Variants in OPHN1 observed in about 807,000 individuals in gnomAD.
OPHN1 encodes the protein oligophrenin-1.
A neutral mutation model predicts 60.7 loss-of-function variants in OPHN1; 11 were observed. The observed-to-expected ratio is 0.18, with a 90% CI of 0.11 to 0.30. The LOEUF (loss-of-function observed/expected upper bound fraction) is 0.30, where lower values mean the gene tolerates loss of function less well. OPHN1 is among the 10% of genes least tolerant of loss of function. OPHN1 has a pLI of 1.00. For missense variants in OPHN1, 449 were observed against 611.0 expected (o/e 0.73, Z 2.80); for synonymous variants, 226 against 222.6 (o/e 1.02, Z -0.14).
At chrX:68,310,535 T>C (rs1312238775) in intron 2 of OPHN1, among the ~76,000 whole-genome samples, 3 of 110,818 alleles carry the variant, frequency 2.7e-5, no homozygotes, top group Non-Finnish European at 5.7e-5. Flanking sequence ...TTGAAAATTA[T>C]AAACCACACT....
chrX:68,371,299 C>A (rs1444323745), intron 2 of OPHN1, among the ~76,000 whole-genome samples: 7 of 108,884 alleles, frequency 6.4e-5, no homozygotes, highest in African/African-American at 1.7e-4. Context: ...CTCACTGAAG[C>A]CTCAACCTCC....
intron 15 of OPHN1, among the ~76,000 whole-genome samples, chrX:68,166,529 C>T (rs1194709440): frequency 9.0e-6 from 1 of 111,357 alleles, no homozygotes; most frequent in East Asian, 2.8e-4. Context: ...AGCAAAACTC[C>T]ATCTCAAAAA....
chrX:68,370,038 A>G (rs1317232528), intron 2 of OPHN1, among the ~76,000 whole-genome samples: 1 of 95,353 alleles, frequency 1.0e-5, no homozygotes, highest in African/African-American at 4.1e-5. Context: ...ATATATATAT[A>G]TATATAGAAC....
intron 2 of OPHN1, among the ~76,000 whole-genome samples, chrX:68,366,538 G>A (rs1276602360): frequency 9.0e-6 from 1 of 110,663 alleles, no homozygotes; most frequent in Non-Finnish European, 1.9e-5. Context: ...CCCGTGTGTA[G>A]AGTCAGGGTG....
intron 21 of OPHN1, among the ~76,000 whole-genome samples, chrX:68,055,255 T>A: frequency 8.9e-6 from 1 of 112,211 alleles, no homozygotes; most frequent in Middle Eastern, 4.6e-3. Context: ...TGTAGGACCC[T>A]AGACAGGTAC....
chrX:68,324,198 A>G (rs2078248057), intron 2 of OPHN1, among the ~76,000 whole-genome samples: 1 of 111,943 alleles, frequency 8.9e-6, no homozygotes, highest in Admixed American at 9.6e-5. Context: ...TATTACCAGT[A>G]AGAAAATACA....
chrX:68,344,720 A>T (rs1373962327), intron 2 of OPHN1, among the ~76,000 whole-genome samples: 3 of 111,912 alleles, frequency 2.7e-5, no homozygotes, highest in African/African-American at 9.7e-5. Flanking sequence ...AAAAAATAAA[A>T]ATTAAAAAAG....
intron 5 of OPHN1, among the ~76,000 whole-genome samples, chrX:68,260,760 C>G (rs2077889116): frequency 8.9e-6 from 1 of 111,745 alleles, no homozygotes; most frequent in African/African-American, 3.3e-5. Flanking sequence ...ATCTTCCCTG[C>G]TAATGCACTC....
rs373228614 is a variant in OPHN1, at chrX:68,384,904, G to A, written c.154+47963C>T. Reference sequence around the variant, plus strand: ...ATGATATAACAGGCTTGGGGTCTCCGGGGGAAGGTTGGGAGGAGGGTGACA... The same window carrying A: ...ATGATATAACAGGCTTGGGGTCTCCAGGGGAAGGTTGGGAGGAGGGTGACA... On this transcript the variant is annotated intron_variant, in intron 2 of 24. Transcript: ENST00000355520. 1.0e-4 allele frequency among the ~76,000 whole-genome samples: 11 copies of A among 110,407 alleles called. No homozygotes were observed. The South Asian group carries it at 4.0e-3, about 40-fold the overall frequency.
At chrX:68,202,198 C>T (rs184235475) in intron 10 of OPHN1, among the ~76,000 whole-genome samples, 1 of 111,439 alleles carries the variant, frequency 9.0e-6, no homozygotes, top group Non-Finnish European at 1.9e-5. Flanking sequence ...TTCTGTCTCC[C>T]AACTCTAGAC....
intron 15 of OPHN1, among the ~76,000 whole-genome samples, chrX:68,143,096 A>T (rs2077250043): frequency 9.0e-6 from 1 of 111,576 alleles, no homozygotes; most frequent in Admixed American, 9.5e-5. Flanking sequence ...GGATTCTGGA[A>T]CCCCCAAGGG....
intron 15 of OPHN1, among the ~76,000 whole-genome samples, chrX:68,127,291 C>T (rs1336396740): frequency 9.0e-6 from 1 of 111,360 alleles, no homozygotes; most frequent in African/African-American, 3.3e-5. Flanking sequence ...TATAAGGTGA[C>T]AATGTGATTA....
intron 12 of OPHN1, among the ~76,000 whole-genome samples, chrX:68,195,744 A>G (rs1329299265): frequency 8.9e-6 from 1 of 111,880 alleles, no homozygotes; most frequent in African/African-American, 3.2e-5. Context: ...ATATGTGTGT[A>G]TGCCCACAGA....
intron 15 of OPHN1, among the ~76,000 whole-genome samples, chrX:68,169,586 T>C (rs1357129080): frequency 2.9e-5 from 3 of 103,127 alleles, no homozygotes; most frequent in Non-Finnish European, 6.0e-5. Context: ...AACAGAGATA[T>C]AGACCAATGG....
At chrX:68,227,029 A>G in intron 6 of OPHN1, among the ~76,000 whole-genome samples, 1 of 111,541 alleles carries the variant, frequency 9.0e-6, no homozygotes, top group Middle Eastern at 4.6e-3. Context: ...GTGCAGAGAC[A>G]CACACAGGCT....
At chrX:68,175,082 C>CAA (rs1053433402) in intron 15 of OPHN1, among the ~76,000 whole-genome samples, 1 of 91,329 alleles carries the variant, frequency 1.1e-5, no homozygotes, top group Non-Finnish European at 2.2e-5. Flanking sequence ...GACTCTGTCT[C>CAA]AAAAAAAAAA....
chrX:68,413,915 T>C (rs1173166261), intron 2 of OPHN1, among the ~76,000 whole-genome samples: 2 of 111,711 alleles, frequency 1.8e-5, no homozygotes, highest in Admixed American at 1.9e-4. Context: ...TATTACACAA[T>C]ATTCATGGGA....
intron 2 of OPHN1, among the ~76,000 whole-genome samples, chrX:68,404,904 G>T (rs1360460576): frequency 9.0e-6 from 1 of 111,292 alleles, no homozygotes; most frequent in Non-Finnish European, 1.9e-5. Context: ...AAAGGTAGTT[G>T]CCAAGGCTGG....
intron 5 of OPHN1, among the ~76,000 whole-genome samples, chrX:68,240,070 C>CA (rs765339375): frequency 5.3e-5 from 6 of 112,186 alleles, no homozygotes; most frequent in Admixed American, 1.9e-4. Context: ...CTCGGCCTCC[C>CA]AAAGTGTTGG....
Sources: allele counts gnomAD v4.1 joint callset (sites outside exome capture counted in the v4.1 genomes callset), GRCh38; gene constraint gnomAD v4.1.1; transcripts MANE v1.5; gene names NCBI Gene and HGNC (gene_info 2026-07-23, HGNC 2026-07-21).